SLC16A10: variants seen among roughly 807,000 people sequenced by gnomAD.
SLC16A10 encodes monocarboxylate transporter 10.
Under a neutral mutation model 40.0 loss-of-function variants are expected in SLC16A10, and 27 were observed. That is an observed-to-expected ratio of 0.67 (90% CI 0.50 to 0.93). SLC16A10 has a LOEUF of 0.93. Ranked by LOEUF, SLC16A10 falls within the 40% of genes least tolerant of loss-of-function variation. The pLI, the probability that SLC16A10 is intolerant of heterozygous loss-of-function variation, is 0.00. For missense variants in SLC16A10, 529 were observed against 658.2 expected (o/e 0.80, Z 2.15); for synonymous variants, 213 against 249.8 (o/e 0.85, Z 1.39).
chr6:111,143,013 A>G (rs1350600108), intron 1 of SLC16A10, among the ~76,000 whole-genome samples: 1 of 152,264 alleles, frequency 6.6e-6, no homozygotes, highest in African/African-American at 2.4e-5. Context: ...TAGCATATCC[A>G]GAAATGGAGT....
chr6:111,134,357 ATC>A, intron 1 of SLC16A10, among the ~76,000 whole-genome samples: 1 of 152,358 alleles, frequency 6.6e-6, no homozygotes, highest in East Asian at 1.9e-4. Context: ...GACAAAGCAT[ATC>A]TCTCTGTCAC....
At chr6:111,173,772 G>C (rs1772629699) in intron 2 of SLC16A10, among the ~76,000 whole-genome samples, 1 of 152,034 alleles carries the variant, frequency 6.6e-6, no homozygotes, top group Non-Finnish European at 1.5e-5. Context: ...ACAAGCCCAG[G>C]ATTCCCACTG....
chr6:111,169,919 C>CT (rs60561269), intron 1 of SLC16A10, among the ~76,000 whole-genome samples: 42,785 of 134,518 alleles, frequency 0.32, 7,426 homozygotes, highest in African/African-American at 0.42. Context: ...TCTTTTCTTT[C>CT]TTTTTTTTTT....
chr6:111,183,683 C>T (rs1314146508), intron 3 of SLC16A10, among the ~76,000 whole-genome samples: 7 of 152,168 alleles, frequency 4.6e-5, no homozygotes, highest in Non-Finnish European at 7.3e-5. Flanking sequence ...AAGGAAACCT[C>T]GGAATAATTG....
rs566493185 is a variant in SLC16A10 at position 111,193,027 on chromosome 6, C to T, written c.943-13565C>T. Among the ~76,000 whole-genome samples the T allele has an allele frequency of 3.9e-5, 6 of 152,210 alleles. No homozygotes were observed. In the South Asian group the frequency reaches 1.2e-3, roughly 32 times the overall value. ...TCTCATGTGGTTATTCTTCTTATTA[C>T]CTTTTTTTTGAGATGAAGTCTCACT... On this transcript the variant is annotated intron_variant, in intron 3 of 5. Transcript: ENST00000368851.
intron 1 of SLC16A10, among the ~76,000 whole-genome samples, chr6:111,145,781 A>T (rs1282277645): frequency 6.6e-6 from 1 of 152,170 alleles, no homozygotes; most frequent in Non-Finnish European, 1.5e-5. Context: ...CCCAGGATTT[A>T]GAGGCTGCAG....
chr6:111,130,561 G>A (rs780369716), intron 1 of SLC16A10, among the ~76,000 whole-genome samples: 1 of 152,076 alleles, frequency 6.6e-6, no homozygotes, highest in Non-Finnish European at 1.5e-5. Context: ...CTTCCTTGTG[G>A]CTTGGTAGCA....
chr6:111,210,862 A>G (rs1773334056), intron 4 of SLC16A10, among the ~76,000 whole-genome samples: 1 of 151,976 alleles, frequency 6.6e-6, no homozygotes, highest in African/African-American at 2.4e-5. Flanking sequence ...TCTCTACTAT[A>G]ATTACAAAAA....
At chr6:111,116,521 A>C (rs1322896456) in intron 1 of SLC16A10, among the ~76,000 whole-genome samples, 1 of 152,022 alleles carries the variant, frequency 6.6e-6, no homozygotes, top group Non-Finnish European at 1.5e-5. Context: ...CCTGGGCAAA[A>C]AAAGTAAAAA....
At chr6:111,179,833 G>A (rs991428792) in intron 3 of SLC16A10, among the ~76,000 whole-genome samples, 5 of 152,192 alleles carry the variant, frequency 3.3e-5, no homozygotes, top group African/African-American at 4.8e-5. Flanking sequence ...AATGCAGCAC[G>A]GTAGAGGAAA....
intron 3 of SLC16A10, among the ~76,000 whole-genome samples, chr6:111,193,482 C>A (rs530843236): frequency 6.6e-6 from 1 of 152,108 alleles, no homozygotes; most frequent in South Asian, 2.1e-4. Context: ...TCAAAACAAG[C>A]TTGTTTTTTC....
chr6:111,178,912 A>T (rs531626618), intron 3 of SLC16A10, among the ~76,000 whole-genome samples: 4 of 152,354 alleles, frequency 2.6e-5, no homozygotes, highest in African/African-American at 9.6e-5. Context: ...TGGAATATAG[A>T]TCTGTTGTGA....
At chr6:111,157,360 T>C (rs1562416149) in intron 1 of SLC16A10, among the ~76,000 whole-genome samples, 1 of 151,948 alleles carries the variant, frequency 6.6e-6, no homozygotes, top group Non-Finnish European at 1.5e-5. Context: ...CTTGGCTCAC[T>C]GCTACCTCCA....
chr6:111,087,913 C>T lies in SLC16A10; in HGVS notation c.161C>T (p.Ala54Val). Residue 54 changes from alanine (A) to valine (V), a missense_variant, in exon 1 of 6, where the codon GCG (alanine) becomes GTG (valine). Ala to Val is a moderately conservative substitution (Grantham distance 64). Transcript: ENST00000368851. ...GTGGAGGTGGAGCTGGCGGGGCCGG[C>T]GACCGCGGAGCCCCATGAGCCCCCC... ...EKVEVELAGP[A>V]TAEPHEPPEP... The T allele has an allele frequency of 1.3e-6, 2 of 1,583,620 alleles. No individual in the cohort carries two copies. The highest frequency in any genetic ancestry group is 1.7e-6 in the Non-Finnish European group (2 of 1,167,336).
At chr6:111,217,696 C>T (rs1770791109) in intron 4 of SLC16A10, among the ~76,000 whole-genome samples, 2 of 152,230 alleles carry the variant, frequency 1.3e-5, no homozygotes, top group Admixed American at 1.3e-4. Flanking sequence ...ATGATCTGCC[C>T]ACCTCGGCCT....
intron 1 of SLC16A10, among the ~76,000 whole-genome samples, chr6:111,164,365 A>G (rs1020420973): frequency 6.6e-6 from 1 of 152,032 alleles, no homozygotes; most frequent in Non-Finnish European, 1.5e-5. Context: ...TATTTTAATT[A>G]TGTGCTACCA....
Position 111,222,470 on chromosome 6 carries a change from A to C in SLC16A10, c.*235A>C. The C allele has an allele frequency of 2.4e-6, 1 of 413,824 alleles. No homozygotes were observed. The allele number at this position is 413,824 out of a possible 1,614,324, so 25.6% of individuals were successfully genotyped here. A position where few individuals can be genotyped will look rare whatever the true frequency, so the allele number is the denominator to read the frequency against. On this transcript the variant is annotated 3_prime_UTR_variant, in exon 6 of 6. Transcript: ENST00000368851. ...GTATATGAAAACGTCTGAAAGTCAC[A>C]TATTGTGAAAATTTGAAGCTATCTC...
chr6:111,204,317 T>A (rs1018312466), intron 3 of SLC16A10, among the ~76,000 whole-genome samples: 1 of 152,164 alleles, frequency 6.6e-6, no homozygotes, highest in Non-Finnish European at 1.5e-5. Flanking sequence ...GGGCTAACAG[T>A]AGTGTATTAA....
intron 1 of SLC16A10, among the ~76,000 whole-genome samples, chr6:111,149,241 G>A (rs1772130369): frequency 6.6e-6 from 1 of 152,154 alleles, no homozygotes; most frequent in Non-Finnish European, 1.5e-5. Context: ...ACCCCAATCA[G>A]GAGAAACTAT....
Sources: gnomAD v4.1 joint callset for allele counts (sites outside exome capture counted in the v4.1 genomes callset) on GRCh38, gnomAD v4.1.1 for gene constraint, MANE v1.5 for transcripts, NCBI Gene and HGNC (gene_info 2026-07-23, HGNC 2026-07-21) for gene names.